Variants in PPP2R2B observed in about 807,000 individuals in gnomAD.
PPP2R2B encodes the protein serine/threonine-protein phosphatase 2A 55 kDa regulatory subunit B beta isoform.
In PPP2R2B, 5 loss-of-function variants were observed where a neutral mutation model predicts 46.0. The observed-to-expected ratio is 0.11, with a 90% CI of 0.06 to 0.23. The LOEUF (loss-of-function observed/expected upper bound fraction) is 0.23. PPP2R2B is among the 10% of genes least tolerant of loss of function. PPP2R2B has a pLI of 1.00. For synonymous variants in PPP2R2B, 215 were observed against 206.7 expected (o/e 1.04, Z -0.34); for missense variants, 367 against 575.0 (o/e 0.64, Z 3.70).
Position 146,878,263 on chromosome 5 carries a change from C to A in PPP2R2B, c.-124-68G>T, listed in dbSNP as rs911574097. ...CCGGCAATGGAGCTGTCACCTCCTC[C>A]ACTCGGGTTCTGCGAGGCTGCGGCG... On this transcript the variant is annotated intron_variant, in intron 1 of 9. Transcript: ENST00000394411. The surrounding 1 kb of genome is among the most constrained non-coding windows in gnomAD (Gnocchi z 4.5). 2.7e-6 allele frequency: 4 copies of A among 1,485,882 alleles called. No individual in the cohort carries two copies. Among genetic ancestry groups the A allele is most frequent in the Non-Finnish European group, 3.6e-6 (4 of 1,121,484 alleles). The allele number at this position is 1,485,882 out of a possible 1,614,324, so 92.0% of individuals were successfully genotyped here.
intron 5 of PPP2R2B, among the ~76,000 whole-genome samples, chr5:146,651,947 A>C (rs1308979591): frequency 6.6e-6 from 1 of 152,214 alleles, no homozygotes; most frequent in East Asian, 1.9e-4. Context: ...TTTTTAAATC[A>C]AATCAATGAT....
intron 2 of PPP2R2B, among the ~76,000 whole-genome samples, chr5:146,764,141 G>A (rs1366375363): frequency 6.6e-6 from 1 of 152,108 alleles, no homozygotes; most frequent in Non-Finnish European, 1.5e-5. Context: ...GCTGGTTTGA[G>A]TCTGAAGGAC....
chr5:146,592,918 A>AGCC, intron 9 of PPP2R2B, 53 bp downstream of exon 9: 1 of 1,522,760 alleles, frequency 6.6e-7, no homozygotes, highest in Non-Finnish European at 9.1e-7. Context: ...AAATTCCCTG[A>AGCC]GCCTCTTCAA....
chr5:146,600,366 A>G lies in PPP2R2B; in HGVS notation c.885T>C (p.Tyr295=), dbSNP rs531328300. The G allele has an allele frequency of 2.9e-5, 47 of 1,614,000 alleles. No individual in the cohort carries two copies. The South Asian group carries it at 4.7e-4, about 16-fold the overall frequency. Residue 295 remains tyrosine (Y), a synonymous_variant, in exon 8 of 10, where the codon TAT becomes TAC. Coordinates refer to ENST00000394411, the MANE Select transcript of PPP2R2B (RefSeq NM_181675.4). ...SDVKFSHSGR[Y]IMTRDYLTVK... Reference sequence around the variant, plus strand: ...CGGTCAAGTAGTCCCTGGTCATGATATACCTCCCACTGTGGCTGAACTTCA... The same window carrying G: ...CGGTCAAGTAGTCCCTGGTCATGATGTACCTCCCACTGTGGCTGAACTTCA...
intron 7 of PPP2R2B, among the ~76,000 whole-genome samples, chr5:146,615,566 G>C (rs181053983): frequency 4.6e-4 from 59 of 126,920 alleles, no homozygotes; most frequent in Middle Eastern, 4.0e-3. Context: ...AACAAATTCA[G>C]TAAAACTGCA....
chr5:147,020,371 G>A (rs1289357401), intron 1 of PPP2R2B, among the ~76,000 whole-genome samples: 2 of 151,890 alleles, frequency 1.3e-5, no homozygotes, highest in African/African-American at 4.8e-5. Flanking sequence ...ACTGGGGTAG[G>A]AAACATGTTG....
chr5:147,028,047 T>C (rs947890580), intron 1 of PPP2R2B, among the ~76,000 whole-genome samples: 2 of 152,156 alleles, frequency 1.3e-5, no homozygotes, highest in Admixed American at 6.5e-5. Context: ...CAGCTTTCCA[T>C]GCTCTCTGAC....
intron 2 of PPP2R2B, among the ~76,000 whole-genome samples, chr5:146,719,565 A>T (rs1780675504): frequency 6.6e-6 from 1 of 152,132 alleles, no homozygotes. Flanking sequence ...TGCCTTGCAC[A>T]TTGTAGCTCC....
At chr5:146,604,609 A>G (rs1772086415) in intron 7 of PPP2R2B, among the ~76,000 whole-genome samples, 1 of 152,222 alleles carries the variant, frequency 6.6e-6, no homozygotes, top group Non-Finnish European at 1.5e-5. Context: ...TGGAGACCCC[A>G]ATAGTAACAG....
chr5:146,865,644 A>G (rs749339433), intron 2 of PPP2R2B, among the ~76,000 whole-genome samples: 1 of 152,232 alleles, frequency 6.6e-6, no homozygotes, highest in Non-Finnish European at 1.5e-5. Context: ...TTTTAAAATA[A>G]CTACTGAGTG....
chr5:146,792,363 C>T (rs533926299), intron 2 of PPP2R2B, among the ~76,000 whole-genome samples: 115 of 152,264 alleles, frequency 7.6e-4, no homozygotes, highest in African/African-American at 2.7e-3. Flanking sequence ...TGAGTCAATG[C>T]CACATTGTTC....
chr5:147,012,209 G>T (rs1754772053), intron 1 of PPP2R2B, among the ~76,000 whole-genome samples: 1 of 151,928 alleles, frequency 6.6e-6, no homozygotes, highest in Non-Finnish European at 1.5e-5. Flanking sequence ...ATCTGGTCCT[G>T]GACTCTTTTT....
intron 7 of PPP2R2B, among the ~76,000 whole-genome samples, chr5:146,609,460 A>C (rs1772627814): frequency 6.6e-6 from 1 of 152,250 alleles, no homozygotes; most frequent in African/African-American, 2.4e-5. Flanking sequence ...TAAATATGCC[A>C]CCAAAAAACT....
intron 1 of PPP2R2B, among the ~76,000 whole-genome samples, chr5:147,025,793 C>A (rs1755501598): frequency 1.3e-5 from 2 of 151,954 alleles, no homozygotes; most frequent in African/African-American, 4.8e-5. Flanking sequence ...AAAGAAGACA[C>A]AGAGGAAACT....
intron 2 of PPP2R2B, among the ~76,000 whole-genome samples, chr5:146,811,653 C>A (rs1224577013): frequency 6.7e-6 from 1 of 149,862 alleles, no homozygotes; most frequent in Non-Finnish European, 1.5e-5. Flanking sequence ...CTCCACCTCC[C>A]GGGTTCAAGC....
At position 146,588,723 on chromosome 5, in the gene PPP2R2B, G is replaced by GACTT. The variant is rs1212209936; in HGVS notation, c.*1220_*1223dup. 6 of 152,158 alleles carry GACTT rather than the reference G, an allele frequency of 3.9e-5. No homozygotes were observed. The highest frequency in any genetic ancestry group is 1.4e-4 in the African/African-American group (6 of 41,422). The allele number at this position is 152,158 out of a possible 1,614,324, so 9.4% of individuals were successfully genotyped here. A position where few individuals can be genotyped will look rare whatever the true frequency, so the allele number is the denominator to read the frequency against. On this transcript the variant is annotated 3_prime_UTR_variant, in exon 10 of 10. Coordinates refer to ENST00000394411, the MANE Select transcript of PPP2R2B (RefSeq NM_181675.4). Reference sequence around the variant, plus strand: ...GAACCATCTTCCACAGCTTCAAGTGGACTTCATTCACTTCATGTCACAGCT... The same window carrying GACTT: ...GAACCATCTTCCACAGCTTCAAGTGGACTTACTTCATTCACTTCATGTCACAGCT...
intron 1 of PPP2R2B, among the ~76,000 whole-genome samples, chr5:146,994,347 G>C (rs17105806): frequency 0.013 from 1,981 of 152,190 alleles, 46 homozygotes; most frequent in African/African-American, 0.045. Flanking sequence ...CCTATATTTC[G>C]TGAGTAACAG....
chr5:147,061,090 C>T (rs905607070), intron 2 of PPP2R2B, among the ~76,000 whole-genome samples: 1 of 152,122 alleles, frequency 6.6e-6, no homozygotes, highest in African/African-American at 2.4e-5. Flanking sequence ...TTCATTCATA[C>T]AATATAATCT....
chr5:146,848,383 C>T (rs185465111), intron 2 of PPP2R2B, among the ~76,000 whole-genome samples: 2 of 152,184 alleles, frequency 1.3e-5, no homozygotes, highest in East Asian at 3.9e-4. Flanking sequence ...ACTCTAGGAT[C>T]CTACCCAGGA....
Sources: allele counts gnomAD v4.1 joint callset (sites outside exome capture counted in the v4.1 genomes callset), GRCh38; gene constraint gnomAD v4.1.1; non-coding constraint Gnocchi (gnomAD v3.1); transcripts MANE v1.5; gene names NCBI Gene and HGNC (gene_info 2026-07-23, HGNC 2026-07-21).